Variants in NEGR1 observed in about 807,000 individuals in gnomAD.
NEGR1 encodes the protein neuronal growth regulator 1.
In NEGR1, 10 loss-of-function variants were observed where a neutral mutation model predicts 40.9. That is an observed-to-expected ratio of 0.24 (90% CI 0.15 to 0.42). The LOEUF (loss-of-function observed/expected upper bound fraction) is 0.42. NEGR1 is among the 10% of genes least tolerant of loss of function. The probability of loss-of-function intolerance (pLI) is 1.00; values close to 1 mark genes in which losing one functional copy is unlikely to be tolerated. For synonymous variants in NEGR1, 185 were observed against 166.8 expected, an observed-to-expected ratio of 1.11 and a Z score of -0.84; for missense variants, 352 against 438.9, an observed-to-expected ratio of 0.80 and a Z score of 1.77.
At chr1:72,140,651 A>C (rs761769727) in intron 1 of NEGR1, among the ~76,000 whole-genome samples, 1 of 151,944 alleles carries the variant, frequency 6.6e-6, no homozygotes, top group Non-Finnish European at 1.5e-5. Context: ...GCAATATAAA[A>C]ATTTTTTCTT....
chr1:71,442,627 A>T (rs1275088133), intron 6 of NEGR1, among the ~76,000 whole-genome samples: 1 of 152,194 alleles, frequency 6.6e-6, no homozygotes, highest in South Asian at 2.1e-4. Context: ...AAATAAATAA[A>T]TAAATAAATT....
Position 71,611,069 on chromosome 1 carries a change from C to T in NEGR1, c.745G>A (p.Gly249Ser). 1 of 1,614,002 alleles carries T rather than the reference C, an allele frequency of 6.2e-7. No homozygotes were observed. The highest frequency in any genetic ancestry group is 8.5e-7 in the Non-Finnish European group (1 of 1,179,912). ...RSGLIRCEGA[G>S]VPPPAFEWYK... is the part of the protein sequence containing the mutation. ...CATTCAAAGGCTGGAGGCGGCACAC[C>T]TGCACCTTCACATCTTATCAGGCCA... Residue 249 changes from glycine (G) to serine (S), a missense_variant, in exon 5 of 7, where the codon GGT becomes AGT. Gly to Ser is a moderately conservative substitution (Grantham distance 56). Transcript: ENST00000357731.
chr1:72,167,784 C>T (rs978330904), intron 1 of NEGR1, among the ~76,000 whole-genome samples: 3 of 151,866 alleles, frequency 2.0e-5, no homozygotes, highest in Non-Finnish European at 2.9e-5. Flanking sequence ...CACTTAATAT[C>T]CTTCTGTAAA....
At position 71,410,589 on chromosome 1, in the gene NEGR1, TA is replaced by T. The variant is rs1646313127; in HGVS notation, c.941-3020del. 2.0e-5 allele frequency among the ~76,000 whole-genome samples: 3 copies of T among 152,290 alleles called. No homozygotes were observed. In the East Asian group the frequency reaches 5.8e-4, roughly 29 times the overall value. The stretch of plus-strand genomic sequence containing the variant: ...TCTAGGCAACAGTTACAAATACAAT[TA>T]TTTTTTACAAAATACAATGATATAC... On this transcript the variant is annotated intron_variant, in intron 6 of 6. Coordinates refer to ENST00000357731, the MANE Select transcript of NEGR1 (RefSeq NM_173808.3).
At chr1:71,851,442 ATTT>A (rs1659597628) in intron 2 of NEGR1, among the ~76,000 whole-genome samples, 1 of 152,198 alleles carries the variant, frequency 6.6e-6, no homozygotes, top group Non-Finnish European at 1.5e-5. Flanking sequence ...TTTTAAAATT[ATTT>A]TTACTACAGT....
intron 3 of NEGR1, among the ~76,000 whole-genome samples, chr1:71,707,332 G>C (rs574840451): frequency 6.6e-6 from 1 of 152,192 alleles, no homozygotes; most frequent in Non-Finnish European, 1.5e-5. Flanking sequence ...GATACTTTAG[G>C]TCTTAAGGGG....
At chr1:72,257,972 G>A (rs780975510) in intron 1 of NEGR1, among the ~76,000 whole-genome samples, 1 of 152,156 alleles carries the variant, frequency 6.6e-6, no homozygotes, top group Non-Finnish European at 1.5e-5. Context: ...GCAAAGATGA[G>A]ATAAGAAGTG....
At chr1:71,522,856 T>C (rs949823523) in intron 6 of NEGR1, among the ~76,000 whole-genome samples, 8 of 151,652 alleles carry the variant, frequency 5.3e-5, no homozygotes, top group Admixed American at 3.9e-4. Flanking sequence ...TTGAGCCAGA[T>C]ACAATAAAAA....
At chr1:71,486,514 G>A (rs1296810585) in intron 6 of NEGR1, 2 of 151,346 alleles carry the variant, frequency 1.3e-5, no homozygotes, top group East Asian at 3.9e-4. Context: ...TTCACTTATT[G>A]TAAGCACATT....
chr1:71,510,798 C>G (rs1489933637), intron 6 of NEGR1, among the ~76,000 whole-genome samples: 1 of 152,212 alleles, frequency 6.6e-6, no homozygotes, highest in African/African-American at 2.4e-5. Flanking sequence ...TTAAAAGTCT[C>G]ACTTCCGCTA....
At chr1:71,567,474 A>C (rs1245287479) in intron 6 of NEGR1, among the ~76,000 whole-genome samples, 1 of 152,118 alleles carries the variant, frequency 6.6e-6, no homozygotes, top group Non-Finnish European at 1.5e-5. Flanking sequence ...TATTTTGATC[A>C]CTTAATTGCA....
At chr1:71,517,642 A>T (rs1442667761) in intron 6 of NEGR1, among the ~76,000 whole-genome samples, 1 of 142,024 alleles carries the variant, frequency 7.0e-6, no homozygotes, top group Non-Finnish European at 1.5e-5. Flanking sequence ...CAAAAACTGG[A>T]AGCATTCCCT....
At chr1:71,765,333 C>CT (rs1449147864) in intron 3 of NEGR1, among the ~76,000 whole-genome samples, 2 of 152,156 alleles carry the variant, frequency 1.3e-5, no homozygotes, top group East Asian at 3.8e-4. Flanking sequence ...ATCTCAACAA[C>CT]TTTTTGCAGG....
chr1:71,851,235 C>G (rs931061894), intron 2 of NEGR1, among the ~76,000 whole-genome samples: 1 of 152,006 alleles, frequency 6.6e-6, no homozygotes, highest in African/African-American at 2.4e-5. Flanking sequence ...TTGATATTAC[C>G]GCCCACACAA....
intron 1 of NEGR1, among the ~76,000 whole-genome samples, chr1:72,000,027 G>C (rs1265359229): frequency 6.6e-6 from 1 of 151,646 alleles, no homozygotes; most frequent in Admixed American, 6.6e-5. Flanking sequence ...GCATTATGTT[G>C]TTCGGTTCCC....
chr1:71,399,277 A>G lies in NEGR1; in HGVS notation c.*8169T>C, dbSNP rs1646231188. 1 of 146,326 alleles carries G rather than the reference A, an allele frequency of 6.8e-6. No individual in the cohort carries two copies. Among genetic ancestry groups the G allele is most frequent in the Admixed American group, 6.8e-5 (1 of 14,616 alleles). 9.1% of individuals were successfully genotyped at this position (146,326 alleles called of 1,614,324 possible). A position where few individuals can be genotyped will look rare whatever the true frequency, so the allele number is the denominator to read the frequency against. ...AGAAAAAAATTGCTTATTCAAATGT[A>G]AAAAAAAAAACCCAGTCTTTCTCCT... On this transcript the variant is annotated 3_prime_UTR_variant, in exon 7 of 7. Coordinates refer to ENST00000357731, the MANE Select transcript of NEGR1 (RefSeq NM_173808.3).
rs189015490 is a variant in NEGR1 at position 71,675,066 on chromosome 1, C to G, written c.667+22942G>C. Among the ~76,000 whole-genome samples the G allele has an allele frequency of 9.7e-5, 10 of 102,846 alleles. No individual in the cohort carries two copies. The East Asian group carries it at 2.8e-3, about 29-fold the overall frequency. The allele number at this position is 102,846 out of a possible 152,430, so 67.5% of individuals were successfully genotyped here. Reference sequence around the variant, plus strand: ...TATATGTGATACATACGTATGTGATCTATATATGTGATCTATATATGCAAT... The same window carrying G: ...TATATGTGATACATACGTATGTGATGTATATATGTGATCTATATATGCAAT... On this transcript the variant is annotated intron_variant, in intron 4 of 6. Coordinates refer to ENST00000357731, the MANE Select transcript of NEGR1 (RefSeq NM_173808.3).
chr1:71,671,977 T>A (rs981086078), intron 4 of NEGR1, among the ~76,000 whole-genome samples: 11 of 149,916 alleles, frequency 7.3e-5, no homozygotes, highest in African/African-American at 2.5e-4. Context: ...CAAATGATCC[T>A]CCTGCCTCAG....
chr1:71,969,628 G>A (rs145572621), intron 1 of NEGR1, among the ~76,000 whole-genome samples: 2 of 152,210 alleles, frequency 1.3e-5, no homozygotes, highest in African/African-American at 4.8e-5. Flanking sequence ...GGTGTGGAAA[G>A]AAAAGTCAGT....
Sources: gnomAD v4.1 joint callset for allele counts (sites outside exome capture counted in the v4.1 genomes callset) on GRCh38, gnomAD v4.1.1 for gene constraint, MANE v1.5 for transcripts, NCBI Gene and HGNC (gene_info 2026-07-23, HGNC 2026-07-21) for gene names.